Variants in AKAP13 observed in about 807,000 individuals in gnomAD.
AKAP13 encodes the protein A-kinase anchor protein 13.
AKAP13 carries 80 observed loss-of-function variants against 264.5 expected under a neutral mutation model. That is an observed-to-expected ratio of 0.30 (90% CI 0.25 to 0.36). The LOEUF (loss-of-function observed/expected upper bound fraction) is 0.36, where lower values mean the gene tolerates loss of function less well. Ranked by LOEUF, AKAP13 falls within the 10% of genes least tolerant of loss-of-function variation. The pLI, the probability that AKAP13 is intolerant of heterozygous loss-of-function variation, is 1.00. For synonymous variants in AKAP13, 1,380 were observed against 1,250.2 expected (o/e 1.10, Z -2.19); for missense variants, 3,712 against 3,435.2 (o/e 1.08, Z -2.01).
intron 2 of AKAP13, among the ~76,000 whole-genome samples, chr15:85,495,299 G>A (rs2075840373): frequency 1.3e-5 from 2 of 152,066 alleles, no homozygotes; most frequent in South Asian, 2.1e-4. Context: ...AACATGTTTC[G>A]GTGGGCATTG....
intron 8 of AKAP13, among the ~76,000 whole-genome samples, chr15:85,616,721 T>G (rs1363154221): frequency 6.6e-6 from 1 of 152,276 alleles, no homozygotes; most frequent in Non-Finnish European, 1.5e-5. Context: ...TTCAAAATCC[T>G]GGCAGAATTA....
intron 8 of AKAP13, among the ~76,000 whole-genome samples, chr15:85,605,107 G>A (rs936642510): frequency 8.5e-6 from 1 of 117,274 alleles, no homozygotes; most frequent in Non-Finnish European, 1.9e-5. Flanking sequence ...AACTATTCCC[G>A]ACAGTCAGCG....
chr15:85,437,900 C>G (rs1208485943), intron 1 of AKAP13, among the ~76,000 whole-genome samples: 1 of 149,722 alleles, frequency 6.7e-6, no homozygotes. Context: ...CCTTTGAAAA[C>G]TGGCACAAGA....
At chr15:85,425,328 C>G (rs932401351) in intron 1 of AKAP13, among the ~76,000 whole-genome samples, 2 of 152,092 alleles carry the variant, frequency 1.3e-5, no homozygotes, top group Admixed American at 6.5e-5. Flanking sequence ...TTACAGTTTT[C>G]TAGGTGTGTT....
In AKAP13 at chr15:85,708,342, G is replaced by A. The variant is rs1017732559; in HGVS notation, c.5532+256G>A. Reference sequence around the variant, plus strand: ...CTTCACGTTCAATATACATTTCTTCGTGATTTTAATATTTCCGTATTGCTC... The same window carrying A: ...CTTCACGTTCAATATACATTTCTTCATGATTTTAATATTTCCGTATTGCTC... On this transcript the variant is annotated intron_variant, in intron 18 of 36. Transcript: ENST00000394518. The surrounding 1 kb of genome is among the most constrained non-coding windows in gnomAD (Gnocchi z 4.3). Among the ~76,000 whole-genome samples the A allele has an allele frequency of 2.6e-5, 4 of 152,144 alleles. No individual in the cohort carries two copies. Among genetic ancestry groups the A allele is most frequent in the East Asian group, 1.9e-4 (1 of 5,200 alleles).
intron 8 of AKAP13, among the ~76,000 whole-genome samples, chr15:85,596,062 A>G (rs1246981966): frequency 6.6e-6 from 1 of 152,200 alleles, no homozygotes; most frequent in African/African-American, 2.4e-5. Flanking sequence ...ACTGCTGTGG[A>G]CCTGAGCAAC....
chr15:85,744,732 C>T lies in AKAP13; in HGVS notation c.*55C>T, dbSNP rs2089318408. 3 of 1,502,402 alleles carry T rather than the reference C, an allele frequency of 2.0e-6. No homozygotes were observed. Among genetic ancestry groups the T allele is most frequent in the Middle Eastern group, 2.0e-4 (1 of 4,964 alleles). 93.1% of individuals were successfully genotyped at this position (1,502,402 alleles called of 1,614,324 possible). ...TCCTGATCCTGGCCAGCCCACCTCT[C>T]CTGCTGTCCCCGCGTGCACAAGTCT... On this transcript the variant is annotated 3_prime_UTR_variant, in exon 37 of 37. Coordinates refer to ENST00000394518, the MANE Select transcript of AKAP13 (RefSeq NM_007200.5).
chr15:85,651,199 T>C (rs1005343890), intron 10 of AKAP13, among the ~76,000 whole-genome samples: 1 of 152,214 alleles, frequency 6.6e-6, no homozygotes, highest in African/African-American at 2.4e-5. Context: ...CAATCAGGCA[T>C]TTTTCCCAAC....
At chr15:85,531,043 TACAG>T (rs1187934524) in intron 3 of AKAP13, among the ~76,000 whole-genome samples, 3 of 152,142 alleles carry the variant, frequency 2.0e-5, no homozygotes, top group East Asian at 1.9e-4. Flanking sequence ...TTATTTTTAG[TACAG>T]ACAGAGTCTT....
At position 85,615,801 on chromosome 15, in the gene AKAP13, A is replaced by G. The variant is rs112130308; in HGVS notation, c.4162-23573A>G. Among the ~76,000 whole-genome samples the G allele has an allele frequency of 6.1e-4, 93 of 152,198 alleles. 1 individual carries two copies. The highest frequency in any genetic ancestry group is 1.0e-3 in the Non-Finnish European group (71 of 68,036). ...TATCCCATGAACTATATGGCATGTG[A>G]TAACTTCCTAGTCTCAGACTGGCAG... On this transcript the variant is annotated intron_variant, in intron 8 of 36. Coordinates refer to ENST00000394518, the MANE Select transcript of AKAP13 (RefSeq NM_007200.5).
intron 10 of AKAP13, among the ~76,000 whole-genome samples, chr15:85,654,930 G>T (rs996365959): frequency 1.3e-5 from 2 of 152,110 alleles, no homozygotes; most frequent in African/African-American, 2.4e-5. Context: ...AGTGGCTCAC[G>T]CCTGTAATCC....
At chr15:85,436,853 C>A (rs1422063275) in intron 1 of AKAP13, among the ~76,000 whole-genome samples, 1 of 151,856 alleles carries the variant, frequency 6.6e-6, no homozygotes, top group African/African-American at 2.4e-5. Context: ...TAAATGCCCA[C>A]AAGAGAAAGC....
intron 3 of AKAP13, among the ~76,000 whole-genome samples, chr15:85,526,402 G>A (rs781019977): frequency 6.6e-6 from 1 of 151,946 alleles, no homozygotes; most frequent in African/African-American, 2.4e-5. Context: ...ACTCACCATC[G>A]TAAGTGGCAC....
At position 85,534,914 on chromosome 15, in the gene AKAP13, A is replaced by AG. The variant is rs1596462413; in HGVS notation, c.478+1035dup. On this transcript the variant is annotated intron_variant, in intron 4 of 36. Transcript: ENST00000394518. ...TAAGTAACATCCAGTTTCCCTTCTG[A>AG]GTTCAAGTCCAATTGAACGATTTGG... 3 of 152,330 alleles carry AG rather than the reference A, an allele frequency of 2.0e-5. No homozygotes were observed. The East Asian group carries it at 5.8e-4, about 29-fold the overall frequency. The allele number at this position is 152,330 out of a possible 1,614,324, so 9.4% of individuals were successfully genotyped here.
At chr15:85,697,185 C>T (rs953676432) in intron 17 of AKAP13, among the ~76,000 whole-genome samples, 10 of 152,046 alleles carry the variant, frequency 6.6e-5, no homozygotes, top group African/African-American at 1.2e-4. Context: ...CCTATGAAGC[C>T]GAGCTCATGA....
At chr15:85,400,423 TAAAA>T (rs2071367788) in intron 1 of AKAP13, among the ~76,000 whole-genome samples, 1 of 151,796 alleles carries the variant, frequency 6.6e-6, no homozygotes, top group Non-Finnish European at 1.5e-5. Context: ...AAAAAAAAAT[TAAAA>T]AACAAAATTT....
At chr15:85,667,046 A>C (rs2083644258) in intron 13 of AKAP13, among the ~76,000 whole-genome samples, 1 of 152,238 alleles carries the variant, frequency 6.6e-6, no homozygotes, top group African/African-American at 2.4e-5. Context: ...ATTTAAAAAA[A>C]AACTGTTTTT....
intron 1 of AKAP13, among the ~76,000 whole-genome samples, chr15:85,483,327 A>T (rs533473675): frequency 7.2e-5 from 11 of 152,308 alleles, no homozygotes; most frequent in African/African-American, 2.2e-4. Flanking sequence ...ACAAATTCGT[A>T]AACTGTCTTA....
At chr15:85,539,461 G>T (rs1043534846) in intron 4 of AKAP13, among the ~76,000 whole-genome samples, 1 of 152,184 alleles carries the variant, frequency 6.6e-6, no homozygotes, top group Non-Finnish European at 1.5e-5. Flanking sequence ...GGTGATTTTG[G>T]AATCATAGGT....
Sources: gnomAD v4.1 joint callset for allele counts (sites outside exome capture counted in the v4.1 genomes callset) on GRCh38, gnomAD v4.1.1 for gene constraint, Gnocchi (gnomAD v3.1) non-coding constraint, MANE v1.5 for transcripts, NCBI Gene and HGNC (gene_info 2026-07-23, HGNC 2026-07-21) for gene names.